CDH12: variants seen among roughly 807,000 people sequenced by gnomAD.
CDH12 encodes the protein cadherin-12.
CDH12 carries 41 observed loss-of-function variants against 74.1 expected under a neutral mutation model. The observed-to-expected ratio is 0.55, with a 90% CI of 0.43 to 0.72. The LOEUF (loss-of-function observed/expected upper bound fraction) is 0.72. Ranked by LOEUF, CDH12 falls within the 30% of genes least tolerant of loss-of-function variation. The pLI, the probability that CDH12 is intolerant of heterozygous loss-of-function variation, is 0.00. For missense variants in CDH12, 945 were observed against 977.2 expected, an observed-to-expected ratio of 0.97 and a Z score of 0.44; for synonymous variants, 399 against 355.0, an observed-to-expected ratio of 1.12 and a Z score of -1.39.
rs374092398 is a variant in CDH12, at chr5:21,982,460, G to GAT, written c.232-7077_232-7076dup. Among the ~76,000 whole-genome samples the GAT allele has an allele frequency of 4.0e-3, 597 of 150,916 alleles. 6 individuals are homozygous for GAT. Among genetic ancestry groups the GAT allele is most frequent in the African/African-American group, 0.012 (489 of 41,114 alleles). On this transcript the variant is annotated intron_variant, in intron 5 of 14. Coordinates refer to ENST00000382254, the MANE Select transcript of CDH12 (RefSeq NM_004061.5). ...ATATCGATATATAGAGATATATATT[G>GAT]ATATATATATACCTATATAGAGAGA...
At chr5:22,812,997 G>C (rs1032156937) in intron 1 of CDH12, among the ~76,000 whole-genome samples, 1 of 152,138 alleles carries the variant, frequency 6.6e-6, no homozygotes. Flanking sequence ...TTTCTGGACT[G>C]ACCTAGCTGG....
At chr5:22,097,611 T>C (rs900933122) in intron 4 of CDH12, among the ~76,000 whole-genome samples, 9 of 152,076 alleles carry the variant, frequency 5.9e-5, no homozygotes, top group Admixed American at 1.3e-4. Context: ...TGAGACACTT[T>C]AACTAAATTG....
chr5:22,542,560 G>A (rs1264347866), intron 1 of CDH12, among the ~76,000 whole-genome samples: 1 of 152,144 alleles, frequency 6.6e-6, no homozygotes, highest in Non-Finnish European at 1.5e-5. Context: ...TTTTCTCTAA[G>A]TGGACTTCCT....
In CDH12 at chr5:21,842,217, G is replaced by T; in HGVS notation, c.758C>A (p.Thr253Lys). ...ATCGGTGAGAGTGATGTTGACTATT[G>T]TTGTTCCGGCTAATCCTCCAAGCTG... ...GGQLGGLAGT[T>K]IVNITLTDVN... The change falls in exon 8 of 15, where the codon ACA (threonine) becomes AAA (lysine). Residue 253 changes from threonine (T) to lysine (K), a missense_variant. Physicochemically the swap from Thr to Lys is moderately conservative, Grantham distance 78. This residue lies in a region of CDH12 where 791 missense variants were observed against 792.8 expected (regional missense o/e 1.00). Coordinates refer to ENST00000382254, the MANE Select transcript of CDH12 (RefSeq NM_004061.5). 1 of 1,613,522 alleles carries T rather than the reference G, an allele frequency of 6.2e-7. No homozygotes were observed. Among genetic ancestry groups the T allele is most frequent in the East Asian group, 2.2e-5 (1 of 44,840 alleles).
intron 1 of CDH12, among the ~76,000 whole-genome samples, chr5:22,593,364 G>T (rs269892): frequency 2.0e-5 from 3 of 151,888 alleles, no homozygotes; most frequent in Non-Finnish European, 2.9e-5. Flanking sequence ...AAACCCTAAG[G>T]TTCCAAAACA....
intron 2 of CDH12, among the ~76,000 whole-genome samples, chr5:22,487,149 T>C (rs913473482): frequency 6.6e-6 from 1 of 151,940 alleles, no homozygotes; most frequent in Non-Finnish European, 1.5e-5. Flanking sequence ...ATTACAGGCA[T>C]GTGCCACCAC....
intron 10 of CDH12, among the ~76,000 whole-genome samples, chr5:21,796,181 C>T (rs1470325994): frequency 6.6e-6 from 1 of 151,908 alleles, no homozygotes; most frequent in Non-Finnish European, 1.5e-5. Context: ...CTCAACAAAC[C>T]CATCATAAGT....
intron 13 of CDH12, among the ~76,000 whole-genome samples, chr5:21,758,293 C>A (rs1036680288): frequency 6.6e-6 from 1 of 152,052 alleles, no homozygotes; most frequent in Admixed American, 6.6e-5. Context: ...TGTCTTATGG[C>A]CATTTCTCAC....
chr5:22,248,452 AAAG>A (rs1371426142), intron 3 of CDH12, among the ~76,000 whole-genome samples: 1 of 152,204 alleles, frequency 6.6e-6, no homozygotes, highest in Non-Finnish European at 1.5e-5. Flanking sequence ...ATTTCAAATC[AAAG>A]AAAAAATAAT....
chr5:22,379,558 A>G (rs1215348199), intron 3 of CDH12, among the ~76,000 whole-genome samples: 2 of 152,174 alleles, frequency 1.3e-5, no homozygotes, highest in Non-Finnish European at 2.9e-5. Flanking sequence ...GCCAATGTTA[A>G]CCAACCTGTG....
chr5:21,893,657 C>T (rs1752992134), intron 6 of CDH12, among the ~76,000 whole-genome samples: 1 of 152,110 alleles, frequency 6.6e-6, no homozygotes, highest in Non-Finnish European at 1.5e-5. Flanking sequence ...AGTGAAGTAA[C>T]CCTGCTACTG....
chr5:22,196,144 G>A (rs1425542081), intron 4 of CDH12, among the ~76,000 whole-genome samples: 2 of 137,866 alleles, frequency 1.5e-5, no homozygotes, highest in South Asian at 4.5e-4. Context: ...CTATCTGCAT[G>A]TAATTTTTTT....
intron 1 of CDH12, among the ~76,000 whole-genome samples, chr5:22,760,269 T>C (rs1746137376): frequency 6.6e-6 from 1 of 152,234 alleles, no homozygotes; most frequent in Non-Finnish European, 1.5e-5. Flanking sequence ...TGGTTAACTA[T>C]AGAATCTAAA....
chr5:22,432,953 T>C (rs115069220), intron 2 of CDH12, among the ~76,000 whole-genome samples: 2,706 of 152,220 alleles, frequency 0.018, 69 homozygotes, highest in African/African-American at 0.061. Flanking sequence ...ACTGGAGTTA[T>C]ATGCAAAACT....
At chr5:22,822,631 A>C (rs945381957) in intron 1 of CDH12, among the ~76,000 whole-genome samples, 7 of 152,250 alleles carry the variant, frequency 4.6e-5, no homozygotes, top group Non-Finnish European at 8.8e-5. Flanking sequence ...CACATGAAAA[A>C]ATGCTCATCA....
At chr5:22,226,761 T>G (rs1268761745) in intron 3 of CDH12, among the ~76,000 whole-genome samples, 1 of 152,140 alleles carries the variant, frequency 6.6e-6, no homozygotes, top group Non-Finnish European at 1.5e-5. Flanking sequence ...ACATTTTCTT[T>G]CTTGTTGTAT....
chr5:21,908,893 G>A lies in CDH12; in HGVS notation c.527-54103C>T, dbSNP rs563874146. Among the ~76,000 whole-genome samples, 3 of 152,176 alleles carry A rather than the reference G, an allele frequency of 2.0e-5. No homozygotes were observed. In the East Asian group the frequency reaches 5.8e-4, roughly 29 times the overall value. On this transcript the variant is annotated intron_variant, in intron 6 of 14. Transcript: ENST00000382254. ...ATGCTTGTGAGATCTTCCCCAACTT[G>A]ATAGCAGGGTACGCATGAGAGTGTA... is the stretch of plus-strand genomic sequence containing the variant.
intron 1 of CDH12, among the ~76,000 whole-genome samples, chr5:22,581,714 C>T (rs1236908808): frequency 6.6e-6 from 1 of 152,184 alleles, no homozygotes; most frequent in Non-Finnish European, 1.5e-5. Context: ...GGAAAAACTG[C>T]AGACACTCAA....
chr5:22,657,224 G>A (rs2126892257), intron 1 of CDH12, among the ~76,000 whole-genome samples: 1 of 152,260 alleles, frequency 6.6e-6, no homozygotes, highest in African/African-American at 2.4e-5. Flanking sequence ...AATCATAATA[G>A]TGGTATTGGG....
Sources: allele counts gnomAD v4.1 joint callset (sites outside exome capture counted in the v4.1 genomes callset), GRCh38; gene constraint gnomAD v4.1.1; regional missense constraint gnomAD v4.1.1; transcripts MANE v1.5; gene names NCBI Gene and HGNC (gene_info 2026-07-23, HGNC 2026-07-21).